Variants in CAMKMT observed in about 807,000 individuals in gnomAD.
CAMKMT encodes calmodulin-lysine N-methyltransferase, also known as CaM KMT.
In CAMKMT, 53 loss-of-function variants were observed where a neutral mutation model predicts 48.0. That is an observed-to-expected ratio of 1.10 (90% CI 0.89 to 1.39). The LOEUF is 1.39. CAMKMT is among the 40% of genes most tolerant of loss of function. CAMKMT has a pLI of 0.00. For missense variants in CAMKMT, 428 were observed against 402.7 expected, an observed-to-expected ratio of 1.06 and a Z score of -0.54; for synonymous variants, 165 against 152.3, an observed-to-expected ratio of 1.08 and a Z score of -0.61.
At chr2:44,577,680 A>G (rs372503585) in intron 3 of CAMKMT, among the ~76,000 whole-genome samples, 3 of 148,556 alleles carry the variant, frequency 2.0e-5, no homozygotes, top group Non-Finnish European at 3.0e-5. Flanking sequence ...AGAGGGAGAC[A>G]GAGAGGGAGA....
At chr2:44,726,515 T>C (rs1423764769) in intron 7 of CAMKMT, among the ~76,000 whole-genome samples, 2 of 152,216 alleles carry the variant, frequency 1.3e-5, no homozygotes, top group Non-Finnish European at 2.9e-5. Context: ...ATTCTAGATA[T>C]TATGCCTTTG....
At chr2:44,590,179 G>GC (rs1354767217) in intron 3 of CAMKMT, among the ~76,000 whole-genome samples, 1 of 151,908 alleles carries the variant, frequency 6.6e-6, no homozygotes, top group African/African-American at 2.4e-5. Context: ...AATAGAAGCA[G>GC]CAACAGAGAA....
intron 3 of CAMKMT, among the ~76,000 whole-genome samples, chr2:44,506,380 G>A (rs1172862062): frequency 6.6e-6 from 1 of 151,934 alleles, no homozygotes; most frequent in Non-Finnish European, 1.5e-5. Context: ...GTAAATAAAG[G>A]GATGATTCTC....
chr2:44,396,159 ACT>A (rs1236324271), intron 3 of CAMKMT, among the ~76,000 whole-genome samples: 1 of 152,032 alleles, frequency 6.6e-6, no homozygotes, highest in African/African-American at 2.4e-5. Flanking sequence ...AAAACATAAC[ACT>A]CTTAGATATT....
chr2:44,751,860 T>C (rs949108123), intron 8 of CAMKMT, among the ~76,000 whole-genome samples: 2 of 152,148 alleles, frequency 1.3e-5, no homozygotes, highest in African/African-American at 4.8e-5. Flanking sequence ...AGTTGCCTTA[T>C]GGCAGAAGGC....
At chr2:44,436,957 A>G (rs1308960151) in intron 3 of CAMKMT, among the ~76,000 whole-genome samples, 1 of 152,212 alleles carries the variant, frequency 6.6e-6, no homozygotes, top group African/African-American at 2.4e-5. Flanking sequence ...TTCATAACAG[A>G]TAAAATGAAA....
chr2:44,393,797 G>A (rs1450118015), intron 3 of CAMKMT, among the ~76,000 whole-genome samples: 1 of 152,152 alleles, frequency 6.6e-6, no homozygotes, highest in Non-Finnish European at 1.5e-5. Flanking sequence ...TCTTGCTTCT[G>A]CTTTTTCTGT....
In CAMKMT at chr2:44,565,707, C is replaced by CAA. The variant is rs1239192065; in HGVS notation, c.377-138566_377-138565dup. Among the ~76,000 whole-genome samples, 13 of 138,660 alleles carry CAA rather than the reference C, an allele frequency of 9.4e-5. No homozygotes were observed. The East Asian group carries it at 2.7e-3, about 29-fold the overall frequency. 91.0% of individuals were successfully genotyped at this position (138,660 alleles called of 152,430 possible). ...TGGTCTGAGTCTGGAATTAAAAAAA[C>CAA]AAAAAAAAAAACAAAACTCCCCAGG... On this transcript the variant is annotated intron_variant, in intron 3 of 10. Transcript: ENST00000378494.
intron 3 of CAMKMT, among the ~76,000 whole-genome samples, chr2:44,459,718 A>G (rs1667753341): frequency 6.6e-6 from 1 of 152,224 alleles, no homozygotes; most frequent in African/African-American, 2.4e-5. Flanking sequence ...TAAGAATAGT[A>G]CTAGTATATT....
intron 3 of CAMKMT, among the ~76,000 whole-genome samples, chr2:44,567,895 G>A (rs1039851136): frequency 1.3e-5 from 2 of 152,118 alleles, no homozygotes; most frequent in Admixed American, 1.3e-4. Context: ...GTTATTTATC[G>A]AGTGCTTACT....
chr2:44,692,238 A>C (rs1676696695), intron 3 of CAMKMT, among the ~76,000 whole-genome samples: 1 of 151,952 alleles, frequency 6.6e-6, no homozygotes, highest in African/African-American at 2.4e-5. Context: ...TAGCAGCAGC[A>C]TCATTTCTGT....
At chr2:44,431,898 C>G (rs976726372) in intron 3 of CAMKMT, among the ~76,000 whole-genome samples, 2 of 152,120 alleles carry the variant, frequency 1.3e-5, no homozygotes, top group African/African-American at 4.8e-5. Context: ...ATCAAGTACC[C>G]AATTTACTTC....
chr2:44,390,355 G>A (rs1681210640), intron 3 of CAMKMT, 50 bp downstream of exon 3: 2 of 1,320,282 alleles, frequency 1.5e-6, no homozygotes, highest in Admixed American at 4.0e-5. Context: ...TTTACAAAGT[G>A]AATTTATAGT....
chr2:44,505,094 C>G (rs1001133797), intron 3 of CAMKMT, among the ~76,000 whole-genome samples: 1 of 152,088 alleles, frequency 6.6e-6, no homozygotes, highest in African/African-American at 2.4e-5. Context: ...AGGATGATAC[C>G]AAGCCATTTG....
chr2:44,703,030 C>T (rs1292118062), intron 3 of CAMKMT, among the ~76,000 whole-genome samples: 1 of 152,156 alleles, frequency 6.6e-6, no homozygotes. Flanking sequence ...ACATTTGCCA[C>T]CCGTTCCCAG....
intron 3 of CAMKMT, among the ~76,000 whole-genome samples, chr2:44,508,438 T>C (rs984022054): frequency 2.0e-5 from 3 of 152,094 alleles, no homozygotes; most frequent in Non-Finnish European, 4.4e-5. Context: ...GGAAGGGAGT[T>C]CCCCACTACA....
intron 3 of CAMKMT, among the ~76,000 whole-genome samples, chr2:44,501,330 A>C (rs1383794547): frequency 6.6e-6 from 1 of 152,102 alleles, no homozygotes; most frequent in Non-Finnish European, 1.5e-5. Flanking sequence ...GCTATTAAAC[A>C]CTTTCACTGG....
chr2:44,704,821 T>C (rs966733034), intron 4 of CAMKMT, among the ~76,000 whole-genome samples: 12 of 152,088 alleles, frequency 7.9e-5, no homozygotes, highest in Non-Finnish European at 1.5e-4. Context: ...GGTAGTTTTA[T>C]ATATCTAACA....
intron 3 of CAMKMT, among the ~76,000 whole-genome samples, chr2:44,407,389 C>G (rs904517936): frequency 6.6e-6 from 1 of 152,038 alleles, no homozygotes; most frequent in African/African-American, 2.4e-5. Flanking sequence ...AGGGGTTAGA[C>G]GTTTTCAATG....
Sources: allele counts gnomAD v4.1 joint callset (sites outside exome capture counted in the v4.1 genomes callset), GRCh38; gene constraint gnomAD v4.1.1; transcripts MANE v1.5; gene names NCBI Gene and HGNC (gene_info 2026-07-23, HGNC 2026-07-21).